Variants in NANS observed in about 807,000 individuals in gnomAD.
The protein encoded by NANS is N-acetylneuraminate-9-phosphate synthase.
In NANS, 29 loss-of-function variants were observed where a neutral mutation model predicts 33.3. The observed-to-expected ratio is 0.87, with a 90% CI of 0.65 to 1.19. NANS has a LOEUF of 1.19. Ranked by LOEUF, NANS falls within the 50% of genes most tolerant of loss-of-function variation. The pLI, the probability that NANS is intolerant of heterozygous loss-of-function variation, is 0.00. For synonymous variants in NANS, 163 were observed against 177.2 expected (o/e 0.92, Z 0.64); for missense variants, 394 against 461.1 (o/e 0.85, Z 1.33).
Position 98,080,918 on chromosome 9 carries a change from G to A in NANS, c.706G>A (p.Glu236Lys), listed in dbSNP as rs1289365106. The A allele has an allele frequency of 6.2e-7, 1 of 1,614,218 alleles. No homozygotes were observed. The highest frequency in any genetic ancestry group is 1.1e-5 in the South Asian group (1 of 91,082). ...AAVALGAKVL[E>K]RHITLDKTWK... ...AGTGGCTCTGGGGGCCAAGGTGTTG[G>A]AACGTCACATAACTTTGGACAAGAC... Residue 236 changes from glutamate to lysine, a missense_variant, in exon 5 of 6, where the codon GAA (glutamate) becomes AAA (lysine). Glu to Lys is a moderately conservative substitution (Grantham distance 56). Coordinates refer to ENST00000210444, the MANE Select transcript of NANS (RefSeq NM_018946.4).
intron 1 of NANS, 39 bp downstream of exon 1, chr9:98,056,979 G>C (rs779670037): frequency 6.5e-7 from 1 of 1,531,312 alleles, no homozygotes; most frequent in Non-Finnish European, 8.8e-7. Context: ...TTCGGGCGCC[G>C]GGAGGGGCGG....
chr9:98,082,819 G>T (rs766874884), intron 5 of NANS, 27 bp from the exon 6 acceptor site: 1 of 1,608,638 alleles, frequency 6.2e-7, no homozygotes, highest in Non-Finnish European at 8.5e-7. Context: ...CTGTGAAGCT[G>T]GCACTGAATG....
At chr9:98,059,893 A>G (rs1828928215) in intron 1 of NANS, among the ~76,000 whole-genome samples, 1 of 152,252 alleles carries the variant, frequency 6.6e-6, no homozygotes. Context: ...CAAAGCAGCT[A>G]AAAGCAGAGT....
At chr9:98,077,284 C>T (rs1230680380) in intron 3 of NANS, among the ~76,000 whole-genome samples, 4 of 151,968 alleles carry the variant, frequency 2.6e-5, no homozygotes, top group African/African-American at 7.3e-5. Context: ...TTCAATCAGC[C>T]TGTACTTCCA....
At chr9:98,082,794 G>A (rs1315916236) in intron 5 of NANS, 52 bp from the exon 6 acceptor site, 5 of 1,553,584 alleles carry the variant, frequency 3.2e-6, no homozygotes, top group Non-Finnish European at 2.6e-6. Flanking sequence ...GTAAAGTAGT[G>A]TGCACTAGTT....
chr9:98,076,956 T>G lies in NANS; in HGVS notation c.387T>G (p.Phe129Leu). 1 of 1,612,534 alleles carries G rather than the reference T, an allele frequency of 6.2e-7. No homozygotes were observed. Among genetic ancestry groups the G allele is most frequent in the African/African-American group, 1.3e-5 (1 of 74,984 alleles). ...VEFLHELNVP[F>L]FKVGSGDTNN... ...TCCTGCATGAACTGAATGTTCCATT[T>G]TTCAAAGTTGGATCTGGAGACACTA... Residue 129 changes from phenylalanine (F) to leucine (L), a missense_variant, in exon 3 of 6, where the codon TTT becomes TTG. By Grantham distance (22) the Phe-to-Leu change is conservative. Transcript: ENST00000210444.
At chr9:98,063,845 T>G (rs746776368) in intron 2 of NANS, among the ~76,000 whole-genome samples, 2 of 150,546 alleles carry the variant, frequency 1.3e-5, no homozygotes, top group Non-Finnish European at 3.0e-5. Context: ...ACCCAGCCTG[T>G]TTTTTTGTGC....
intron 2 of NANS, 155 bp from the exon 3 acceptor site, chr9:98,076,763 G>T: frequency 1.6e-6 from 1 of 617,602 alleles, no homozygotes; most frequent in South Asian, 2.0e-5. Context: ...TGAATGAAAT[G>T]ACTGAGAACA....
chr9:98,061,015 C>G lies in NANS; in HGVS notation c.348+18C>G. 1 of 1,611,420 alleles carries G rather than the reference C, an allele frequency of 6.2e-7. No individual in the cohort carries two copies. The highest frequency in any genetic ancestry group is 1.3e-5 in the African/African-American group (1 of 74,962). On this transcript the variant is annotated intron_variant, in intron 2 of 5. Transcript: ENST00000210444. ...TGGATGAGGTGAGTCCTCTGCTGCT[C>G]TGTCATTTGTCACTTTAGCAGACCA...
Position 98,080,898 on chromosome 9 carries a change from CT to C in NANS, c.687del (p.Leu230TrpfsTer10). On this transcript the variant is annotated frameshift_variant, in exon 5 of 6. Transcript: ENST00000210444. LOFTEE classifies it high-confidence loss of function. ...TGIAISVAAV[A>X]LGAKVLERHI... is the part of the protein sequence containing the mutation. ...ATAGCGATATCTGTGGCCGCAGTGG[CT>C]CTGGGGGCCAAGGTGTTGGAACGTC... is the stretch of plus-strand genomic sequence containing the variant. 1 of 1,614,206 alleles carries C rather than the reference CT, an allele frequency of 6.2e-7. No individual in the cohort carries two copies. Among genetic ancestry groups the C allele is most frequent in the African/African-American group, 1.3e-5 (1 of 75,066 alleles).
chr9:98,073,158 C>A (rs1033749774), intron 2 of NANS, among the ~76,000 whole-genome samples: 2 of 152,110 alleles, frequency 1.3e-5, no homozygotes, highest in Non-Finnish European at 2.9e-5. Context: ...CAGCACCTGC[C>A]TCTGTCCTAG....
chr9:98,072,573 G>A (rs1829389738), intron 2 of NANS, among the ~76,000 whole-genome samples: 1 of 152,068 alleles, frequency 6.6e-6, no homozygotes, highest in Non-Finnish European at 1.5e-5. Flanking sequence ...ACCATGCCCA[G>A]CTAATTTTTG....
At chr9:98,057,989 C>T (rs1437839803) in intron 1 of NANS, among the ~76,000 whole-genome samples, 4 of 120,328 alleles carry the variant, frequency 3.3e-5, no homozygotes, top group African/African-American at 1.3e-4. Flanking sequence ...GTGGCATGAT[C>T]CCGGCTCACT....
At chr9:98,078,428 C>T (rs1829692033) in intron 4 of NANS, 81 bp downstream of exon 4, 3 of 1,472,138 alleles carry the variant, frequency 2.0e-6, no homozygotes, top group South Asian at 2.5e-5. Flanking sequence ...AAAATTCTAA[C>T]AAACATGGCA....
chr9:98,068,848 A>T (rs546254083), intron 2 of NANS, among the ~76,000 whole-genome samples: 6 of 151,880 alleles, frequency 4.0e-5, no homozygotes, highest in Admixed American at 3.9e-4. Flanking sequence ...AAAAAAATTG[A>T]TAACACCACA....
chr9:98,061,850 G>A (rs900953041), intron 2 of NANS, among the ~76,000 whole-genome samples: 7 of 151,810 alleles, frequency 4.6e-5, no homozygotes, highest in Non-Finnish European at 8.8e-5. Flanking sequence ...GTAGGGGTCA[G>A]CCACACTGGA....
chr9:98,066,428 G>C (rs1334493553), intron 2 of NANS, among the ~76,000 whole-genome samples: 2 of 152,178 alleles, frequency 1.3e-5, no homozygotes, highest in Non-Finnish European at 2.9e-5. Context: ...CTCACCTAAT[G>C]GAAGGTGTGT....
At chr9:98,067,026 G>A (rs939368357) in intron 2 of NANS, among the ~76,000 whole-genome samples, 1 of 152,126 alleles carries the variant, frequency 6.6e-6, no homozygotes, top group Non-Finnish European at 1.5e-5. Context: ...GTGGTCCTTC[G>A]AGCCTGACTT....
At position 98,080,945 on chromosome 9, in the gene NANS, T is replaced by C. The variant is rs779594562; in HGVS notation, c.733T>C (p.Trp245Arg). 1 of 1,614,200 alleles carries C rather than the reference T, an allele frequency of 6.2e-7. No individual in the cohort carries two copies. The highest frequency in any genetic ancestry group is 1.1e-5 in the South Asian group (1 of 91,090). ...LERHITLDKT[W>R]KGSDHSASLE... ...ACGTCACATAACTTTGGACAAGACC[T>C]GGAAGGGGAGTGACCACTCGGCCTC... is the stretch of plus-strand genomic sequence containing the variant. The change falls in exon 5 of 6, where the codon TGG becomes CGG. Residue 245 changes from tryptophan to arginine, a missense_variant. Transcript: ENST00000210444.
Sources: allele counts gnomAD v4.1 joint callset (sites outside exome capture counted in the v4.1 genomes callset), GRCh38; gene constraint gnomAD v4.1.1; transcripts MANE v1.5; gene names NCBI Gene and HGNC (gene_info 2026-07-23, HGNC 2026-07-21).